The following GALNT14 variants were observed in gnomAD, a reference collection of about 807,000 sequenced individuals.
GALNT14 encodes polypeptide N-acetylgalactosaminyltransferase 14, also known as UDP-GalNAc:polypeptide N-acetylgalactosaminyltransferase 14.
GALNT14 carries 60 observed loss-of-function variants against 77.5 expected under a neutral mutation model. That is an observed-to-expected ratio of 0.77 (90% confidence interval 0.63 to 0.96). The LOEUF is 0.96. Among genes scored for constraint, GALNT14 ranks in the 40% least tolerant of loss-of-function variants. The pLI is 0.00. For synonymous variants in GALNT14, 280 were observed against 281.7 expected (o/e 0.99, Z 0.06); for missense variants, 710 against 731.0 (o/e 0.97, Z 0.33).
chr2:31,114,692 G>C (rs1450484146), intron 1 of GALNT14: 1 of 705,242 alleles, frequency 1.4e-6, no homozygotes, highest in African/African-American at 1.8e-5. Flanking sequence ...GGGGAAAAAG[G>C]AACAAATACA....
rs372619349 is a variant in GALNT14 at position 30,945,828 on chromosome 2, G to A, written c.697C>T (p.Leu233=). Residue 233 remains leucine (L), a synonymous_variant, in exon 7 of 15, where the codon CTG becomes TTG. Transcript: ENST00000349752. ...VVCPVIDIIN[L]DTFTYIESAS... is the part of the protein sequence containing the mutation. Reference sequence around the variant, plus strand: ...GACTCGATGTAGGTGAAGGTGTCCAGGTTAATGATATCGATCACAGGGCAC... The same window carrying A: ...GACTCGATGTAGGTGAAGGTGTCCAAGTTAATGATATCGATCACAGGGCAC... 7 of 1,614,024 alleles carry A rather than the reference G, an allele frequency of 4.3e-6. No homozygotes were observed. The highest frequency in any genetic ancestry group is 5.9e-6 in the Non-Finnish European group (7 of 1,180,028).
intron 11 of GALNT14, among the ~76,000 whole-genome samples, chr2:30,925,250 T>C (rs1309097806): frequency 6.6e-6 from 1 of 152,250 alleles, no homozygotes; most frequent in Non-Finnish European, 1.5e-5. Context: ...ATCCTTTTAT[T>C]TGGCTGTTTC....
intron 2 of GALNT14, among the ~76,000 whole-genome samples, chr2:30,970,629 C>T (rs1465707450): frequency 6.6e-6 from 1 of 152,128 alleles, no homozygotes; most frequent in Non-Finnish European, 1.5e-5. Flanking sequence ...CTTACTGACA[C>T]ACCAGGTGTG....
intron 1 of GALNT14, among the ~76,000 whole-genome samples, chr2:31,056,076 C>T (rs976068932): frequency 2.6e-5 from 4 of 152,164 alleles, no homozygotes; most frequent in Non-Finnish European, 4.4e-5. Context: ...CTCAAACATC[C>T]GTGTGCCCCA....
chr2:30,965,755 T>A (rs1371776709), intron 3 of GALNT14, among the ~76,000 whole-genome samples: 2 of 152,140 alleles, frequency 1.3e-5, no homozygotes, highest in African/African-American at 4.8e-5. Context: ...CCGTTCTGAT[T>A]TGCATGGCCC....
Position 31,000,821 on chromosome 2 carries a change from T to A in GALNT14, c.130-7814A>T, listed in dbSNP as rs527385207. Among the ~76,000 whole-genome samples, 3 of 152,294 alleles carry A rather than the reference T, an allele frequency of 2.0e-5. No homozygotes were observed. The South Asian group carries it at 6.2e-4, about 32-fold the overall frequency. On this transcript the variant is annotated intron_variant, in intron 1 of 14. Transcript: ENST00000349752. ...TGACCAAATATCTGGACATTGTGGTTTGGCCACATTGACATATAAAATTAA... is the reference window on the plus strand; with the variant it reads ...TGACCAAATATCTGGACATTGTGGTATGGCCACATTGACATATAAAATTAA...
chr2:30,937,785 G>A (rs1666143347), intron 9 of GALNT14, among the ~76,000 whole-genome samples: 2 of 152,156 alleles, frequency 1.3e-5, no homozygotes, highest in South Asian at 4.1e-4. Flanking sequence ...TGCTACCTAA[G>A]GTAACATCCT....
intron 1 of GALNT14, among the ~76,000 whole-genome samples, chr2:31,106,814 T>G (rs1409462670): frequency 6.6e-6 from 1 of 152,220 alleles, no homozygotes; most frequent in Admixed American, 6.5e-5. Context: ...GATCCTACTT[T>G]CTTTTTTATT....
At chr2:31,053,881 G>C (rs72854833) in intron 1 of GALNT14, among the ~76,000 whole-genome samples, 1 of 152,274 alleles carries the variant, frequency 6.6e-6, no homozygotes, top group South Asian at 2.1e-4. Flanking sequence ...GATCAAGGCT[G>C]GTAAGACCCT....
intron 6 of GALNT14, among the ~76,000 whole-genome samples, chr2:30,953,021 A>G (rs1341650230): frequency 6.6e-6 from 1 of 152,170 alleles, no homozygotes; most frequent in Non-Finnish European, 1.5e-5. Flanking sequence ...CACTATCTCC[A>G]ACTCCCACCA....
intron 1 of GALNT14, among the ~76,000 whole-genome samples, chr2:31,015,663 T>A (rs940915583): frequency 1.3e-5 from 2 of 152,136 alleles, no homozygotes; most frequent in Admixed American, 1.3e-4. Context: ...ATATCCCCTA[T>A]AAGGATGTAC....
intron 1 of GALNT14, among the ~76,000 whole-genome samples, chr2:31,118,210 TA>T (rs1678211408): frequency 6.6e-6 from 1 of 152,192 alleles, no homozygotes; most frequent in South Asian, 2.1e-4. Context: ...ATATGATCAT[TA>T]AAGAATAAAT....
intron 4 of GALNT14, among the ~76,000 whole-genome samples, chr2:30,957,491 A>G (rs1376307460): frequency 1.3e-5 from 2 of 152,088 alleles, no homozygotes; most frequent in East Asian, 3.9e-4. Context: ...CCCACCTCCA[A>G]GCTCTTCCTC....
intron 1 of GALNT14, among the ~76,000 whole-genome samples, chr2:31,044,257 C>G (rs1673283227): frequency 1.3e-5 from 2 of 152,266 alleles, no homozygotes; most frequent in South Asian, 4.2e-4. Context: ...CTCATCTCAC[C>G]CGGGCCATCT....
At chr2:30,985,164 G>GAATA (rs150009528) in intron 2 of GALNT14, among the ~76,000 whole-genome samples, 1 of 152,056 alleles carries the variant, frequency 6.6e-6, no homozygotes, top group African/African-American at 2.4e-5. Flanking sequence ...ATGAATGAAT[G>GAATA]AATGAATGAA....
At chr2:31,090,164 G>A (rs1573333192) in intron 1 of GALNT14, among the ~76,000 whole-genome samples, 1 of 152,132 alleles carries the variant, frequency 6.6e-6, no homozygotes, top group Non-Finnish European at 1.5e-5. Context: ...TCCACTGATG[G>A]AGCAAAGTGT....
intron 1 of GALNT14, among the ~76,000 whole-genome samples, chr2:31,125,910 T>C (rs1034334132): frequency 6.6e-6 from 1 of 152,224 alleles, no homozygotes; most frequent in Non-Finnish European, 1.5e-5. Context: ...CAGCATCTGT[T>C]GGTTAATTCC....
At chr2:30,965,943 GCTT>G (rs1209811837) in intron 3 of GALNT14, among the ~76,000 whole-genome samples, 1 of 152,166 alleles carries the variant, frequency 6.6e-6, no homozygotes, top group Non-Finnish European at 1.5e-5. Context: ...CTCTGAGGCT[GCTT>G]CTTCTACTTA....
chr2:30,893,573 A>G, the GALNT14 span, among the ~76,000 whole-genome samples: 2 of 152,258 alleles, frequency 1.3e-5, no homozygotes, highest in African/African-American at 4.8e-5. Flanking sequence ...CTAAGTCCTT[A>G]TCTACCATGG....
Sources: allele counts gnomAD v4.1 joint callset (sites outside exome capture counted in the v4.1 genomes callset), GRCh38; gene constraint gnomAD v4.1.1; transcripts MANE v1.5; gene names NCBI Gene and HGNC (gene_info 2026-07-23, HGNC 2026-07-21).